Variants in GLRA1 observed in about 807,000 individuals in gnomAD.
The protein encoded by GLRA1 is glycine receptor alpha 1, also known as glycine receptor subunit alpha-1.
Under a neutral mutation model 48.3 loss-of-function variants are expected in GLRA1, and 37 were observed. The ratio of observed to expected loss-of-function variants is 0.77; its 90% CI spans 0.59 to 1.01. GLRA1 has a LOEUF of 1.01. GLRA1 is among the 50% of genes least tolerant of loss of function. The pLI is 0.00. For synonymous variants in GLRA1, 196 were observed against 210.7 expected, an observed-to-expected ratio of 0.93 and a Z score of 0.60; for missense variants, 427 against 571.0, an observed-to-expected ratio of 0.75 and a Z score of 2.57.
intron 7 of GLRA1, among the ~76,000 whole-genome samples, chr5:151,839,893 G>C (rs576097829): frequency 6.6e-6 from 1 of 152,116 alleles, no homozygotes; most frequent in African/African-American, 2.4e-5. Context: ...AATTTTTATT[G>C]TTTAAACCAC....
At chr5:151,856,993 G>A (rs1753063399) in intron 4 of GLRA1, among the ~76,000 whole-genome samples, 1 of 152,232 alleles carries the variant, frequency 6.6e-6, no homozygotes, top group Admixed American at 6.5e-5. Flanking sequence ...GGACCTGCAG[G>A]CCCTCTGGCC....
At chr5:151,881,395 C>G (rs944117897) in intron 3 of GLRA1, among the ~76,000 whole-genome samples, 1 of 150,264 alleles carries the variant, frequency 6.7e-6, no homozygotes, top group Non-Finnish European at 1.5e-5. Flanking sequence ...TCACAGCTCA[C>G]TGCAGCCTTG....
rs188720348 is a variant in GLRA1, at chr5:151,924,441, A to G, written c.56+53T>C. 6.7e-4 allele frequency: 737 copies of G among 1,094,856 alleles called. 5 individuals carry two copies. The Admixed American group carries it at 0.011, about 17-fold the overall frequency. 67.8% of individuals were successfully genotyped at this position (1,094,856 alleles called of 1,614,324 possible). ...GACCACGGACAGAGGTAGCCTCCGTACTCTTTCCCCCCATTTCCATCAGAG... is the reference window on the plus strand; with the variant it reads ...GACCACGGACAGAGGTAGCCTCCGTGCTCTTTCCCCCCATTTCCATCAGAG... On this transcript the variant is annotated intron_variant, in intron 1 of 8. Coordinates refer to ENST00000274576, the MANE Select transcript of GLRA1 (RefSeq NM_000171.4).
chr5:151,883,222 G>A (rs1217471326), intron 3 of GLRA1, among the ~76,000 whole-genome samples: 1 of 152,090 alleles, frequency 6.6e-6, no homozygotes, highest in Non-Finnish European at 1.5e-5. Context: ...TCTACTCCAG[G>A]AGACCATCTC....
chr5:151,854,823 C>T (rs1437191388), intron 6 of GLRA1, among the ~76,000 whole-genome samples: 6 of 152,156 alleles, frequency 3.9e-5, no homozygotes, highest in African/African-American at 1.2e-4. Flanking sequence ...CTGTATTTAC[C>T]AGCTTCCCTC....
Position 151,822,661 on chromosome 5 carries a change from C to CT in GLRA1, c.*11dup, listed in dbSNP as rs780289884. On this transcript the variant is annotated 3_prime_UTR_variant, in exon 9 of 9. Transcript: ENST00000274576. Reference sequence around the variant, plus strand: ...TTCCCCTCTCCCAGCCTCCCCCAACCTTTCAGACCCTTCACTGGTTGTGGA... The same window carrying CT: ...TTCCCCTCTCCCAGCCTCCCCCAACCTTTTCAGACCCTTCACTGGTTGTGGA... 2.3e-5 allele frequency: 37 copies of CT among 1,599,554 alleles called. No individual in the cohort carries two copies. The East Asian group carries it at 5.8e-4, about 25-fold the overall frequency.
chr5:151,886,080 A>G (rs2113405978), intron 3 of GLRA1, among the ~76,000 whole-genome samples: 1 of 152,346 alleles, frequency 6.6e-6, no homozygotes, highest in South Asian at 2.1e-4. Flanking sequence ...ACAAAAACAA[A>G]AAGTCTGAGA....
chr5:151,903,593 T>A (rs1754412938), intron 1 of GLRA1, among the ~76,000 whole-genome samples: 1 of 152,186 alleles, frequency 6.6e-6, no homozygotes, highest in Non-Finnish European at 1.5e-5. Flanking sequence ...CGAGACCTAG[T>A]CATCCTGTGC....
chr5:151,892,197 A>C, intron 2 of GLRA1, 114 bp downstream of exon 2: 1 of 981,118 alleles, frequency 1.0e-6, no homozygotes, highest in Non-Finnish European at 1.6e-6. Context: ...GGGTAGAGGA[A>C]AGAGTCATGG....
At chr5:151,846,775 C>T (rs573635758) in intron 7 of GLRA1, among the ~76,000 whole-genome samples, 5 of 152,196 alleles carry the variant, frequency 3.3e-5, no homozygotes, top group Admixed American at 2.6e-4. Context: ...TTTCTGATGA[C>T]TTTTTTGACA....
At chr5:151,879,922 G>A (rs956156171) in intron 3 of GLRA1, among the ~76,000 whole-genome samples, 11 of 152,142 alleles carry the variant, frequency 7.2e-5, no homozygotes, top group Admixed American at 3.9e-4. Context: ...TAATTGAATC[G>A]TTGGGGGCAG....
Position 151,858,333 on chromosome 5 carries a change from G to A in GLRA1, c.476+1452C>T, listed in dbSNP as rs140321862. Among the ~76,000 whole-genome samples the A allele has an allele frequency of 4.4e-3, 668 of 151,712 alleles. 4 individuals are homozygous for A. The highest frequency in any genetic ancestry group is 7.1e-3 in the Non-Finnish European group (478 of 67,556). On this transcript the variant is annotated intron_variant, in intron 4 of 8. Transcript: ENST00000274576. The stretch of plus-strand genomic sequence containing the variant: ...TGCAGTTGAATTTCTGCAGATAAAA[G>A]CTCCAAAGTGGGGCAGCTGTCACAC...
chr5:151,833,594 G>A (rs1356328659), intron 7 of GLRA1, among the ~76,000 whole-genome samples: 1 of 152,078 alleles, frequency 6.6e-6, no homozygotes, highest in Non-Finnish European at 1.5e-5. Context: ...CTCCCGAGTA[G>A]CTGGGATTAC....
chr5:151,892,855 GC>G (rs537511204), intron 1 of GLRA1, among the ~76,000 whole-genome samples: 2 of 152,138 alleles, frequency 1.3e-5, no homozygotes, highest in Non-Finnish European at 2.9e-5. Context: ...AAAATAATTT[GC>G]CATTTCCTCA....
intron 7 of GLRA1, among the ~76,000 whole-genome samples, chr5:151,843,297 C>G (rs577903386): frequency 5.9e-5 from 8 of 135,604 alleles, no homozygotes; most frequent in Non-Finnish European, 9.2e-5. Flanking sequence ...GTCTCACTCT[C>G]TCTCCCAGGC....
intron 6 of GLRA1, 94 bp downstream of exon 6, chr5:151,854,946 A>G: frequency 1.5e-6 from 2 of 1,364,350 alleles, no homozygotes; most frequent in Admixed American, 1.7e-5. Context: ...GGTAATCTTC[A>G]TAAGATCTGT....
At chr5:151,878,965 C>T (rs778772158) in intron 3 of GLRA1, among the ~76,000 whole-genome samples, 5 of 152,316 alleles carry the variant, frequency 3.3e-5, no homozygotes, top group Admixed American at 1.3e-4. Flanking sequence ...TGTGAGAAGA[C>T]GGCCACCACA....
intron 8 of GLRA1, among the ~76,000 whole-genome samples, chr5:151,825,594 A>G (rs768327015): frequency 6.6e-6 from 1 of 152,176 alleles, no homozygotes; most frequent in Non-Finnish European, 1.5e-5. Context: ...AGCTGCTTAG[A>G]GCTGGAGCAG....
chr5:151,849,926 A>G (rs1752855853), intron 7 of GLRA1: 7 of 1,549,288 alleles, frequency 4.5e-6, no homozygotes, highest in Admixed American at 1.8e-5. Context: ...GCCTCCTGCC[A>G]TGTTTTGGGA....
Sources: allele counts gnomAD v4.1 joint callset (sites outside exome capture counted in the v4.1 genomes callset), GRCh38; gene constraint gnomAD v4.1.1; transcripts MANE v1.5; gene names NCBI Gene and HGNC (gene_info 2026-07-23, HGNC 2026-07-21).